PDE4B: variants seen among roughly 807,000 people sequenced by gnomAD.
PDE4B encodes the protein phosphodiesterase 4B.
A neutral mutation model predicts 82.2 loss-of-function variants in PDE4B; 20 were observed. That is an observed-to-expected ratio of 0.24 (90% confidence interval 0.17 to 0.35). The LOEUF is 0.35. PDE4B is among the 10% of genes least tolerant of loss of function. PDE4B has a pLI of 1.00. For synonymous variants in PDE4B, 320 were observed against 318.9 expected, an observed-to-expected ratio of 1.00 and a Z score of -0.04; for missense variants, 655 against 907.2, an observed-to-expected ratio of 0.72 and a Z score of 3.57.
intron 3 of PDE4B, among the ~76,000 whole-genome samples, chr1:66,175,913 C>G (rs1646923310): frequency 6.6e-6 from 1 of 152,098 alleles, no homozygotes; most frequent in Non-Finnish European, 1.5e-5. Context: ...AAAACAAACT[C>G]TTTCTGTTAA....
intron 7 of PDE4B, among the ~76,000 whole-genome samples, chr1:66,289,781 A>T (rs1051771786): frequency 2.0e-5 from 3 of 152,088 alleles, no homozygotes; most frequent in African/African-American, 7.2e-5. Context: ...AAGAGAGGAT[A>T]TGAGGGGAAT....
intron 1 of PDE4B, among the ~76,000 whole-genome samples, chr1:65,842,369 A>T (rs1017480215): frequency 9.2e-5 from 14 of 152,164 alleles, no homozygotes; most frequent in African/African-American, 3.4e-4. Context: ...CGGCACTCTA[A>T]GGTGACCCCT....
chr1:65,933,527 T>A (rs1044800047), intron 3 of PDE4B, among the ~76,000 whole-genome samples: 3 of 152,080 alleles, frequency 2.0e-5, no homozygotes, highest in African/African-American at 7.2e-5. Flanking sequence ...ACCCCATCTC[T>A]ACTAAAGATA....
chr1:66,355,322 A>G (rs996986485), intron 8 of PDE4B: 8 of 423,914 alleles, frequency 1.9e-5, no homozygotes, highest in Non-Finnish European at 3.4e-5. Flanking sequence ...TGTTAATTCT[A>G]AGAAATCTTA....
At position 65,894,465 on chromosome 1, in the gene PDE4B, G is replaced by T. The variant is rs573362488; in HGVS notation, c.-70-18780G>T. On this transcript the variant is annotated intron_variant, in intron 1 of 16. Coordinates refer to ENST00000341517, the MANE Select transcript of PDE4B (RefSeq NM_002600.4). Reference sequence around the variant, plus strand: ...TAGGAACATAATCTATGAAATGATGGGTTGATCAAAGATTTCTTAGAACAC... The same window carrying T: ...TAGGAACATAATCTATGAAATGATGTGTTGATCAAAGATTTCTTAGAACAC... 2.6e-5 allele frequency among the ~76,000 whole-genome samples: 4 copies of T among 152,098 alleles called. No individual in the cohort carries two copies. In the East Asian group the frequency reaches 5.8e-4, roughly 22 times the overall value.
At chr1:66,170,993 G>A (rs576096794) in intron 3 of PDE4B, among the ~76,000 whole-genome samples, 56 of 152,248 alleles carry the variant, frequency 3.7e-4, no homozygotes, top group African/African-American at 1.3e-3. Context: ...AGCAGAAATC[G>A]TGGCTGGCAT....
Position 65,839,545 on chromosome 1 carries a change from T to G in PDE4B, c.-71+46297T>G, listed in dbSNP as rs961222887. 2.6e-5 allele frequency among the ~76,000 whole-genome samples: 4 copies of G among 152,260 alleles called. No individual in the cohort carries two copies. In the East Asian group the frequency reaches 7.7e-4, roughly 29 times the overall value. Reference sequence around the variant, plus strand: ...TTTGGTTCTCTGTTCTTGTGTTAGTTTGCTGAGAATGATGGTTTCCAGTTT... The same window carrying G: ...TTTGGTTCTCTGTTCTTGTGTTAGTGTGCTGAGAATGATGGTTTCCAGTTT... On this transcript the variant is annotated intron_variant, in intron 1 of 16. Coordinates refer to ENST00000341517, the MANE Select transcript of PDE4B (RefSeq NM_002600.4).
intron 3 of PDE4B, among the ~76,000 whole-genome samples, chr1:66,107,232 A>G (rs999404800): frequency 1.3e-5 from 2 of 151,974 alleles, no homozygotes; most frequent in African/African-American, 4.8e-5. Flanking sequence ...TTCAGTTTCC[A>G]TGTAGTTGAG....
chr1:65,853,374 T>C (rs75334554), intron 1 of PDE4B, among the ~76,000 whole-genome samples: 2,283 of 152,252 alleles, frequency 0.015, 66 homozygotes, highest in African/African-American at 0.049. Context: ...TTTTATCTAA[T>C]GTTATTATAG....
At position 66,138,035 on chromosome 1, in the gene PDE4B, G is replaced by A. The variant is rs151065644; in HGVS notation, c.282-109425G>A. On this transcript the variant is annotated intron_variant, in intron 3 of 16. Transcript: ENST00000341517. ...GAGAAAGAAACTGAAGTCCAGTGATGTTAGCTGACTTAAACACAGATATTA... is the reference window on the plus strand; with the variant it reads ...GAGAAAGAAACTGAAGTCCAGTGATATTAGCTGACTTAAACACAGATATTA... Among the ~76,000 whole-genome samples, 1,223 of 152,302 alleles carry A rather than the reference G, an allele frequency of 8.0e-3. 13 individuals are homozygous for A. Among genetic ancestry groups the A allele is most frequent in the African/African-American group, 0.028 (1,148 of 41,562 alleles).
chr1:66,016,346 A>G (rs1321727199), intron 3 of PDE4B, among the ~76,000 whole-genome samples: 1 of 152,182 alleles, frequency 6.6e-6, no homozygotes, highest in East Asian at 1.9e-4. Flanking sequence ...TTAACTCATC[A>G]TTTGTTTGAT....
Position 66,083,382 on chromosome 1 carries a change from G to A in PDE4B, c.282-164078G>A, listed in dbSNP as rs1330166691. ...GTGAGCATGAAAACTGCATGCCAGGGACACTCAATCCTACCTCCAGACTTA... is the reference window on the plus strand; with the variant it reads ...GTGAGCATGAAAACTGCATGCCAGGAACACTCAATCCTACCTCCAGACTTA... On this transcript the variant is annotated intron_variant, in intron 3 of 16. Coordinates refer to ENST00000341517, the MANE Select transcript of PDE4B (RefSeq NM_002600.4). Among the ~76,000 whole-genome samples, 4 of 152,186 alleles carry A rather than the reference G, an allele frequency of 2.6e-5. No individual in the cohort carries two copies. The Middle Eastern group carries it at 0.01, about 388-fold the overall frequency.
At chr1:66,333,840 T>C (rs1198636819) in intron 8 of PDE4B, among the ~76,000 whole-genome samples, 1 of 151,756 alleles carries the variant, frequency 6.6e-6, no homozygotes, top group East Asian at 1.9e-4. Flanking sequence ...CAAAAATAAG[T>C]CCCTTTCTAA....
intron 3 of PDE4B, among the ~76,000 whole-genome samples, chr1:65,934,487 GACAA>G (rs1256851739): frequency 1.3e-5 from 2 of 152,106 alleles, no homozygotes; most frequent in African/African-American, 4.8e-5. Flanking sequence ...AGAACCACAA[GACAA>G]ACAGACAACA....
At chr1:65,848,101 T>C (rs1646287230) in intron 1 of PDE4B, among the ~76,000 whole-genome samples, 1 of 152,062 alleles carries the variant, frequency 6.6e-6, no homozygotes, top group Admixed American at 6.6e-5. Context: ...GAGGTATAAT[T>C]TTTAAACAAT....
intron 1 of PDE4B, among the ~76,000 whole-genome samples, chr1:65,803,819 A>G (rs1645723741): frequency 6.6e-6 from 1 of 152,206 alleles, no homozygotes; most frequent in East Asian, 1.9e-4. Context: ...GGTTTTTGTC[A>G]GCCCTTTGGA....
In PDE4B at chr1:66,193,545, C is replaced by T. The variant is rs140524694; in HGVS notation, c.282-53915C>T. ...GGATACTTCAGGGAAATGTTATCAT[C>T]TCAGAGCTTTAAAATAATCATCTCC... On this transcript the variant is annotated intron_variant, in intron 3 of 16. Transcript: ENST00000341517. Among the ~76,000 whole-genome samples the T allele has an allele frequency of 1.2e-4, 19 of 152,222 alleles. No individual in the cohort carries two copies. The East Asian group carries it at 3.7e-3, about 29-fold the overall frequency.
intron 3 of PDE4B, among the ~76,000 whole-genome samples, chr1:65,929,456 C>G (rs1033584692): frequency 6.6e-6 from 1 of 152,190 alleles, no homozygotes; most frequent in African/African-American, 2.4e-5. Context: ...TTAATAGACA[C>G]CTGGTGAGGC....
intron 7 of PDE4B, among the ~76,000 whole-genome samples, chr1:66,318,319 A>G (rs1659167488): frequency 6.6e-6 from 1 of 152,194 alleles, no homozygotes; most frequent in South Asian, 2.1e-4. Flanking sequence ...GATTAATTAA[A>G]TATTATACAT....
Sources: allele counts gnomAD v4.1 joint callset (sites outside exome capture counted in the v4.1 genomes callset), GRCh38; gene constraint gnomAD v4.1.1; transcripts MANE v1.5; gene names NCBI Gene and HGNC (gene_info 2026-07-23, HGNC 2026-07-21).